CSMD3: variants seen among roughly 807,000 people sequenced by gnomAD.
CSMD3 encodes CUB and Sushi multiple domains 3.
A neutral mutation model predicts 435.2 loss-of-function variants in CSMD3; 177 were observed. That is an observed-to-expected ratio of 0.41 (90% confidence interval 0.36 to 0.46). CSMD3 has a LOEUF of 0.46. Ranked by LOEUF, CSMD3 falls within the 20% of genes least tolerant of loss-of-function variation. The pLI is 0.34. For missense variants in CSMD3, 4,265 were observed against 4,504.6 expected, an observed-to-expected ratio of 0.95 and a Z score of 1.52; for synonymous variants, 1,656 against 1,520.5, an observed-to-expected ratio of 1.09 and a Z score of -2.07.
chr8:112,273,530 C>G (rs1412062892), intron 59 of CSMD3, among the ~76,000 whole-genome samples: 1 of 151,816 alleles, frequency 6.6e-6, no homozygotes, highest in East Asian at 1.9e-4. Flanking sequence ...TCGAGACCAT[C>G]CTGGATAACA....
chr8:113,093,600 G>T (rs558424484), intron 5 of CSMD3, among the ~76,000 whole-genome samples: 2 of 152,152 alleles, frequency 1.3e-5, no homozygotes, highest in Non-Finnish European at 2.9e-5. Context: ...AAAATTGATG[G>T]TATAAAAGAG....
intron 23 of CSMD3, among the ~76,000 whole-genome samples, chr8:112,585,672 A>C (rs1253685198): frequency 6.6e-6 from 1 of 151,734 alleles, no homozygotes; most frequent in African/African-American, 2.4e-5. Flanking sequence ...AGGTAGAACA[A>C]TAATAGGCAT....
intron 30 of CSMD3, among the ~76,000 whole-genome samples, chr8:112,493,348 G>A (rs972628443): frequency 5.3e-5 from 8 of 151,896 alleles, no homozygotes; most frequent in South Asian, 2.1e-4. Flanking sequence ...CTTATAAAAC[G>A]TCTTTATTTA....
At chr8:113,044,501 G>A (rs920520219) in intron 5 of CSMD3, among the ~76,000 whole-genome samples, 1 of 149,072 alleles carries the variant, frequency 6.7e-6, no homozygotes, top group African/African-American at 2.4e-5. Context: ...GAGAGACACA[G>A]AGCAGATATA....
intron 3 of CSMD3, among the ~76,000 whole-genome samples, chr8:113,176,055 T>C (rs1056750973): frequency 2.0e-5 from 3 of 152,116 alleles, no homozygotes; most frequent in African/African-American, 4.8e-5. Context: ...AAGTAGTGAA[T>C]GAATAGTAAC....
intron 32 of CSMD3, among the ~76,000 whole-genome samples, chr8:112,455,549 T>C (rs139899834): frequency 6.6e-6 from 1 of 151,944 alleles, no homozygotes; most frequent in Admixed American, 6.6e-5. Context: ...GCACATGTAG[T>C]CCCAAATCTA....
chr8:113,431,383 T>C (rs2094671964), intron 1 of CSMD3, among the ~76,000 whole-genome samples: 1 of 152,254 alleles, frequency 6.6e-6, no homozygotes. Flanking sequence ...ACTTGTATCT[T>C]ACACATTTTT....
At chr8:113,288,117 T>G in intron 2 of CSMD3, among the ~76,000 whole-genome samples, 1 of 151,894 alleles carries the variant, frequency 6.6e-6, no homozygotes, top group African/African-American at 2.4e-5. Context: ...AAATAATTCT[T>G]AGATAAGATG....
At position 112,387,359 on chromosome 8, in the gene CSMD3, T is replaced by A. The variant is rs200523586; in HGVS notation, c.5934+3305A>T. On this transcript the variant is annotated intron_variant, in intron 36 of 70. Coordinates refer to ENST00000297405, the MANE Select transcript of CSMD3 (RefSeq NM_198123.2). Reference sequence around the variant, plus strand: ...TCATACAATTCTTTATTCACACACATATTTGGCCCAACAGAGAAAAATATT... The same window carrying A: ...TCATACAATTCTTTATTCACACACAAATTTGGCCCAACAGAGAAAAATATT... 5.3e-5 allele frequency among the ~76,000 whole-genome samples: 8 copies of A among 152,282 alleles called. No homozygotes were observed. In the East Asian group the frequency reaches 1.5e-3, roughly 29 times the overall value.
At chr8:112,676,680 T>A (rs1392535864) in intron 16 of CSMD3, among the ~76,000 whole-genome samples, 4 of 152,150 alleles carry the variant, frequency 2.6e-5, no homozygotes, top group Non-Finnish European at 5.9e-5. Context: ...CACCAATGAA[T>A]AATAAATCTT....
At chr8:112,938,314 T>G (rs1385655766) in intron 9 of CSMD3, among the ~76,000 whole-genome samples, 1 of 152,208 alleles carries the variant, frequency 6.6e-6, no homozygotes, top group African/African-American at 2.4e-5. Flanking sequence ...CTCTTTATTC[T>G]TCCAACATAC....
intron 3 of CSMD3, among the ~76,000 whole-genome samples, chr8:113,174,218 T>G (rs2092314385): frequency 6.6e-6 from 1 of 152,268 alleles, no homozygotes; most frequent in South Asian, 2.1e-4. Context: ...GAGGATAATA[T>G]CATTCACATG....
chr8:113,270,713 A>T (rs1201406093), intron 3 of CSMD3, among the ~76,000 whole-genome samples: 8 of 152,008 alleles, frequency 5.3e-5, no homozygotes, highest in African/African-American at 1.9e-4. Context: ...CTCTCAGCAA[A>T]CTATCGCAAG....
intron 14 of CSMD3, among the ~76,000 whole-genome samples, chr8:112,687,286 T>C (rs2076033997): frequency 6.6e-6 from 1 of 152,050 alleles, no homozygotes; most frequent in South Asian, 2.1e-4. Context: ...TTTCTTTGAC[T>C]ACTAGAGAAG....
chr8:113,389,447 G>A (rs1242400182), intron 1 of CSMD3, among the ~76,000 whole-genome samples: 1 of 151,304 alleles, frequency 6.6e-6, no homozygotes, highest in African/African-American at 2.4e-5. Flanking sequence ...TAAAAATAGA[G>A]CAATTACAAA....
intron 16 of CSMD3, among the ~76,000 whole-genome samples, chr8:112,675,170 T>C (rs1209578104): frequency 1.3e-5 from 2 of 152,144 alleles, no homozygotes; most frequent in Admixed American, 6.6e-5. Flanking sequence ...TAGTTCTCCA[T>C]TTTGTTAGTC....
chr8:112,781,759 A>T (rs999350140), intron 13 of CSMD3, among the ~76,000 whole-genome samples: 12 of 152,140 alleles, frequency 7.9e-5, no homozygotes, highest in Admixed American at 7.2e-4. Context: ...GGAGGAAAGT[A>T]AGTGAAGAGA....
chr8:113,178,867 C>T (rs561733476), intron 3 of CSMD3, among the ~76,000 whole-genome samples: 25 of 151,908 alleles, frequency 1.6e-4, no homozygotes, highest in African/African-American at 5.1e-4. Flanking sequence ...GATGGCTTCA[C>T]GCAGTGATGT....
rs1038249866 is a variant in CSMD3, at chr8:112,427,701, G to C, written c.5396-18669C>G. The stretch of plus-strand genomic sequence containing the variant: ...TTCTATGCTAGGCTGTGAGATGCAG[G>C]GTCAGCTTCATGGAGCTTCATCCTA... On this transcript the variant is annotated intron_variant, in intron 32 of 70. Transcript: ENST00000297405. Among the ~76,000 whole-genome samples, 10 of 152,090 alleles carry C rather than the reference G, an allele frequency of 6.6e-5. No individual in the cohort carries two copies. In the East Asian group the frequency reaches 1.7e-3, roughly 26 times the overall value.
Sources: allele counts gnomAD v4.1 joint callset (sites outside exome capture counted in the v4.1 genomes callset), GRCh38; gene constraint gnomAD v4.1.1; transcripts MANE v1.5; gene names NCBI Gene and HGNC (gene_info 2026-07-23, HGNC 2026-07-21).